The following KCNH7 variants were observed in gnomAD, a reference collection of about 807,000 sequenced individuals.
KCNH7 encodes the protein potassium voltage-gated channel subfamily H member 7.
KCNH7 carries 49 observed loss-of-function variants against 120.8 expected under a neutral mutation model. The observed-to-expected ratio is 0.41, with a 90% CI of 0.32 to 0.51. The LOEUF is 0.51. Among genes scored for constraint, KCNH7 ranks in the 20% least tolerant of loss-of-function variants. KCNH7 has a pLI of 0.38. For synonymous variants in KCNH7, 547 were observed against 516.1 expected (o/e 1.06, Z -0.81); for missense variants, 1,097 against 1,446.6 (o/e 0.76, Z 3.92).
At chr2:162,447,880 A>G (rs1365785119) in intron 6 of KCNH7, among the ~76,000 whole-genome samples, 2 of 152,132 alleles carry the variant, frequency 1.3e-5, no homozygotes, top group African/African-American at 4.8e-5. Context: ...ACTTTTAAAT[A>G]TAACAAAAGA....
intron 2 of KCNH7, among the ~76,000 whole-genome samples, chr2:162,661,885 A>T (rs559753392): frequency 3.9e-5 from 6 of 152,274 alleles, no homozygotes; most frequent in East Asian, 1.9e-4. Flanking sequence ...TGGGTTTTTT[A>T]AATTATTTTT....
At chr2:162,423,589 A>G in intron 8 of KCNH7, 54 bp from the exon 9 acceptor site, 3 of 1,474,802 alleles carry the variant, frequency 2.0e-6, no homozygotes, top group Non-Finnish European at 2.8e-6. Context: ...GGTGTGTTAT[A>G]TATTGTTAGA....
chr2:162,741,792 ACAGT>A (rs1305707579), intron 2 of KCNH7, among the ~76,000 whole-genome samples: 2 of 152,180 alleles, frequency 1.3e-5, no homozygotes, highest in African/African-American at 4.8e-5. Flanking sequence ...TACAAAATAT[ACAGT>A]CATTTTTATG....
chr2:162,607,008 T>A (rs901481206), intron 2 of KCNH7, among the ~76,000 whole-genome samples: 1 of 152,074 alleles, frequency 6.6e-6, no homozygotes, highest in African/African-American at 2.4e-5. Context: ...TGACTTGGAC[T>A]AATGTTCAAA....
chr2:162,734,166 A>C (rs938925561), intron 2 of KCNH7, among the ~76,000 whole-genome samples: 2 of 152,110 alleles, frequency 1.3e-5, no homozygotes, highest in African/African-American at 4.8e-5. Context: ...ATAATATGGT[A>C]GCATTTTTGA....
At chr2:162,704,728 C>A (rs1686634988) in intron 2 of KCNH7, among the ~76,000 whole-genome samples, 1 of 152,194 alleles carries the variant, frequency 6.6e-6, no homozygotes, top group Non-Finnish European at 1.5e-5. Context: ...TGTTAGCCAT[C>A]TGTCTCCAAA....
intron 2 of KCNH7, chr2:162,797,486 A>G (rs1404549638): frequency 6.6e-6 from 1 of 152,138 alleles, no homozygotes. Context: ...TGGACTGGAT[A>G]AGAAAACAAG....
intron 2 of KCNH7, among the ~76,000 whole-genome samples, chr2:162,822,136 C>T (rs1685142706): frequency 1.7e-5 from 1 of 59,298 alleles, no homozygotes; most frequent in Non-Finnish European, 5.0e-5. Context: ...TTTCAAAAAC[C>T]GCTGCTAATT....
At chr2:162,803,372 T>C (rs1183354545) in intron 2 of KCNH7, among the ~76,000 whole-genome samples, 1 of 151,790 alleles carries the variant, frequency 6.6e-6, no homozygotes, top group Non-Finnish European at 1.5e-5. Flanking sequence ...GTAGGCATTT[T>C]TGTTGATCTA....
chr2:162,489,787 G>A (rs1690228060), intron 6 of KCNH7, among the ~76,000 whole-genome samples: 1 of 152,084 alleles, frequency 6.6e-6, no homozygotes, highest in Non-Finnish European at 1.5e-5. Flanking sequence ...GAAAAACATT[G>A]GATAGGAATT....
chr2:162,486,127 G>A (rs1480174553), intron 6 of KCNH7, among the ~76,000 whole-genome samples: 2 of 152,076 alleles, frequency 1.3e-5, no homozygotes, highest in Non-Finnish European at 2.9e-5. Context: ...GAAAAGAGAG[G>A]AGCCAAGAAA....
At chr2:162,588,941 G>T (rs1694112847) in intron 2 of KCNH7, among the ~76,000 whole-genome samples, 1 of 151,984 alleles carries the variant, frequency 6.6e-6, no homozygotes, top group African/African-American at 2.4e-5. Context: ...CTAGGACTGG[G>T]TTACTATCCT....
intron 7 of KCNH7, among the ~76,000 whole-genome samples, chr2:162,441,005 C>G (rs1317493653): frequency 6.6e-6 from 1 of 152,188 alleles, no homozygotes; most frequent in East Asian, 1.9e-4. Context: ...CAATCACATA[C>G]AAACGAACAA....
intron 2 of KCNH7, among the ~76,000 whole-genome samples, chr2:162,783,561 T>C (rs1450647108): frequency 6.6e-5 from 10 of 152,186 alleles, no homozygotes; most frequent in Non-Finnish European, 1.5e-4. Flanking sequence ...AAGAATAACA[T>C]TTAATCCCAA....
At chr2:162,561,765 T>A (rs530473934) in intron 2 of KCNH7, among the ~76,000 whole-genome samples, 12 of 152,334 alleles carry the variant, frequency 7.9e-5, no homozygotes, top group South Asian at 2.1e-4. Flanking sequence ...TGCACACGTA[T>A]GTTTACTGCA....
At chr2:162,520,418 A>T (rs73022647) in intron 3 of KCNH7, among the ~76,000 whole-genome samples, 2,281 of 151,736 alleles carry the variant, frequency 0.015, 59 homozygotes, top group African/African-American at 0.053. Context: ...CACTCTTCAC[A>T]TTTGTACCAT....
intron 9 of KCNH7, among the ~76,000 whole-genome samples, chr2:162,407,222 A>T (rs1438362825): frequency 6.6e-6 from 1 of 152,054 alleles, no homozygotes; most frequent in Non-Finnish European, 1.5e-5. Context: ...TATGATTTAT[A>T]TCCCTTAGGG....
chr2:162,379,807 G>A, intron 14 of KCNH7, 46 bp downstream of exon 14: 1 of 1,586,426 alleles, frequency 6.3e-7, no homozygotes, highest in Non-Finnish European at 8.6e-7. Flanking sequence ...CTGGACCCAT[G>A]TAAGGGGTTG....
At chr2:162,421,134 GC>G (rs1469012462) in intron 9 of KCNH7, among the ~76,000 whole-genome samples, 1 of 152,050 alleles carries the variant, frequency 6.6e-6, no homozygotes, top group Non-Finnish European at 1.5e-5. Flanking sequence ...AGAAGTCCGT[GC>G]AAAGTCAAGC....
Sources: allele counts gnomAD v4.1 joint callset (sites outside exome capture counted in the v4.1 genomes callset), GRCh38; gene constraint gnomAD v4.1.1; transcripts MANE v1.5; gene names NCBI Gene and HGNC (gene_info 2026-07-23, HGNC 2026-07-21).